The following RAPGEF4 variants were observed in gnomAD, a reference collection of about 807,000 sequenced individuals.
The protein encoded by RAPGEF4 is Rap guanine nucleotide exchange factor 4.
In RAPGEF4, 66 loss-of-function variants were observed where a neutral mutation model predicts 147.9. That is an observed-to-expected ratio of 0.45 (90% CI 0.37 to 0.55). The LOEUF is 0.55. Among genes scored for constraint, RAPGEF4 ranks in the 20% least tolerant of loss-of-function variants. The pLI, the probability that RAPGEF4 is intolerant of heterozygous loss-of-function variation, is 0.00. For missense variants in RAPGEF4, 1,071 were observed against 1,257.3 expected, an observed-to-expected ratio of 0.85 and a Z score of 2.24; for synonymous variants, 419 against 442.7, an observed-to-expected ratio of 0.95 and a Z score of 0.67.
chr2:172,854,863 A>G (rs1693238826), intron 4 of RAPGEF4, among the ~76,000 whole-genome samples: 1 of 152,204 alleles, frequency 6.6e-6, no homozygotes, highest in Admixed American at 6.5e-5. Context: ...AAAGAGCCTC[A>G]GACTGCAGCA....
At chr2:172,925,777 A>AGAGAGAGAGAGAGAGAGAGAGAG (rs1685237203) in intron 6 of RAPGEF4, among the ~76,000 whole-genome samples, 1 of 133,804 alleles carries the variant, frequency 7.5e-6, no homozygotes, top group African/African-American at 2.8e-5. Context: ...GAAAGAAAGA[A>AGAGAGAGAGAGAGAGAGAGAGAG]AGAGAGAGAG....
Position 172,808,184 on chromosome 2 carries a change from A to G in RAPGEF4, c.298-6095A>G, listed in dbSNP as rs546532536. Among the ~76,000 whole-genome samples, 13 of 152,346 alleles carry G rather than the reference A, an allele frequency of 8.5e-5. No individual in the cohort carries two copies. The South Asian group carries it at 2.7e-3, about 32-fold the overall frequency. ...CTTTCTTAACACCATTCCCATTTCC[A>G]TACTGTTTACTATATTTACAATGAA... is the stretch of plus-strand genomic sequence containing the variant. On this transcript the variant is annotated intron_variant, in intron 3 of 30. Coordinates refer to ENST00000397081, the MANE Select transcript of RAPGEF4 (RefSeq NM_007023.4).
At chr2:172,848,495 A>G (rs190857866) in intron 4 of RAPGEF4, among the ~76,000 whole-genome samples, 49 of 152,264 alleles carry the variant, frequency 3.2e-4, no homozygotes, top group African/African-American at 1.1e-3. Flanking sequence ...TGTTTGTTCA[A>G]AGTGTTACTG....
At chr2:173,034,868 G>C (rs374901249) in intron 27 of RAPGEF4, among the ~76,000 whole-genome samples, 9 of 102,348 alleles carry the variant, frequency 8.8e-5, no homozygotes. Flanking sequence ...GTGCGACCCC[G>C]TCTCAACACA....
At chr2:172,839,024 T>C (rs978586905) in intron 4 of RAPGEF4, among the ~76,000 whole-genome samples, 2 of 152,146 alleles carry the variant, frequency 1.3e-5, no homozygotes, top group African/African-American at 4.8e-5. Flanking sequence ...TCTTCTGGTG[T>C]AGGTCTCCAT....
intron 3 of RAPGEF4, among the ~76,000 whole-genome samples, chr2:172,800,531 A>G (rs777710195): frequency 6.6e-6 from 1 of 152,214 alleles, no homozygotes. Flanking sequence ...CATACAAGTC[A>G]GGGTTCTTCA....
chr2:172,834,696 A>C (rs771605380), intron 4 of RAPGEF4, among the ~76,000 whole-genome samples: 13 of 152,204 alleles, frequency 8.5e-5, no homozygotes, highest in Admixed American at 8.5e-4. Context: ...CCAAAATCTG[A>C]AAAAATCAGA....
chr2:172,874,431 A>G (rs1249098851), intron 4 of RAPGEF4, among the ~76,000 whole-genome samples: 27 of 152,076 alleles, frequency 1.8e-4, no homozygotes, highest in Non-Finnish European at 3.4e-4. Flanking sequence ...CCGGTGTGTA[A>G]TGTTCCCCTT....
At chr2:173,037,855 G>A (rs190855294) in intron 29 of RAPGEF4, among the ~76,000 whole-genome samples, 46 of 152,320 alleles carry the variant, frequency 3.0e-4, no homozygotes, top group African/African-American at 1.1e-3. Context: ...TCTGGATTAT[G>A]TAAGCCATAA....
intron 1 of RAPGEF4, among the ~76,000 whole-genome samples, chr2:172,758,403 A>C (rs6741466): frequency 0.015 from 2,301 of 152,294 alleles, 57 homozygotes; most frequent in African/African-American, 0.049. Flanking sequence ...TTTTGAACAG[A>C]GGAATGATAT....
intron 29 of RAPGEF4, among the ~76,000 whole-genome samples, chr2:173,037,518 T>C (rs187229488): frequency 1.3e-5 from 2 of 152,358 alleles, no homozygotes; most frequent in African/African-American, 4.8e-5. Context: ...CAGTTTATTT[T>C]CTTATCTTCT....
intron 4 of RAPGEF4, among the ~76,000 whole-genome samples, chr2:172,837,189 A>G (rs1199271275): frequency 2.0e-5 from 3 of 152,224 alleles, no homozygotes; most frequent in Admixed American, 1.3e-4. Context: ...AATTATAAAC[A>G]TAAAAATAGC....
chr2:172,813,824 A>T (rs921204632), intron 3 of RAPGEF4, among the ~76,000 whole-genome samples: 2 of 152,234 alleles, frequency 1.3e-5, no homozygotes, highest in Admixed American at 1.3e-4. Flanking sequence ...AATGTCCACC[A>T]GCAGGAGGAT....
At chr2:172,973,299 G>C (rs547172473) in intron 10 of RAPGEF4, among the ~76,000 whole-genome samples, 6 of 151,740 alleles carry the variant, frequency 4.0e-5, no homozygotes, top group African/African-American at 1.4e-4. Context: ...TTTTTATAGA[G>C]ACAAGGTCTC....
intron 4 of RAPGEF4, among the ~76,000 whole-genome samples, chr2:172,910,959 C>T (rs1700036808): frequency 6.6e-6 from 1 of 152,188 alleles, no homozygotes. Context: ...GAGAGCATCA[C>T]CTTTCAGGAA....
chr2:172,859,847 C>T (rs952858197), intron 4 of RAPGEF4, among the ~76,000 whole-genome samples: 1 of 152,124 alleles, frequency 6.6e-6, no homozygotes, highest in Non-Finnish European at 1.5e-5. Flanking sequence ...ATAAATATAC[C>T]TTTGAACTAA....
At chr2:172,869,462 A>G (rs1694982733) in intron 4 of RAPGEF4, among the ~76,000 whole-genome samples, 1 of 152,194 alleles carries the variant, frequency 6.6e-6, no homozygotes, top group African/African-American at 2.4e-5. Flanking sequence ...AGGAAGTCCA[A>G]CATCTTGCAT....
intron 4 of RAPGEF4, 135 bp from the exon 5 acceptor site, chr2:172,917,667 C>T: frequency 2.7e-6 from 2 of 754,418 alleles, no homozygotes; most frequent in Non-Finnish European, 2.3e-6. Context: ...CCCCGGAGAA[C>T]ACGTTTCATG....
At chr2:172,779,203 A>G (rs1684454219) in intron 1 of RAPGEF4, among the ~76,000 whole-genome samples, 1 of 152,220 alleles carries the variant, frequency 6.6e-6, no homozygotes, top group Admixed American at 6.5e-5. Flanking sequence ...GTTCTAGTGG[A>G]GACAATAGCC....
Sources: gnomAD v4.1 joint callset for allele counts (sites outside exome capture counted in the v4.1 genomes callset) on GRCh38, gnomAD v4.1.1 for gene constraint, MANE v1.5 for transcripts, NCBI Gene and HGNC (gene_info 2026-07-23, HGNC 2026-07-21) for gene names.